Variants in PDE3B observed in about 807,000 individuals in gnomAD.
The protein encoded by PDE3B is cGMP-inhibited 3',5'-cyclic phosphodiesterase 3B.
A neutral mutation model predicts 116.8 loss-of-function variants in PDE3B; 66 were observed. The observed-to-expected ratio is 0.56, with a 90% CI of 0.46 to 0.69. PDE3B has a LOEUF of 0.69. PDE3B is among the 30% of genes least tolerant of loss of function. The pLI is 0.00. For synonymous variants in PDE3B, 595 were observed against 533.6 expected (o/e 1.12, Z -1.59); for missense variants, 1,384 against 1,368.1 (o/e 1.01, Z -0.18).
chr11:14,847,034 T>G (rs1288229301), intron 12 of PDE3B, among the ~76,000 whole-genome samples: 1 of 152,124 alleles, frequency 6.6e-6, no homozygotes, highest in South Asian at 2.1e-4. Context: ...CAACAGAATA[T>G]ACATTTTTTT....
chr11:14,882,782 C>T, the PDE3B span, among the ~76,000 whole-genome samples: 1 of 152,116 alleles, frequency 6.6e-6, no homozygotes, highest in Non-Finnish European at 1.5e-5. Context: ...AACGAGAAAA[C>T]CCCACTGTCT....
intron 1 of PDE3B, among the ~76,000 whole-genome samples, chr11:14,706,275 A>G (rs1481055010): frequency 1.3e-5 from 2 of 151,924 alleles, no homozygotes; most frequent in Admixed American, 6.6e-5. Flanking sequence ...ATCAAGTTGA[A>G]TGAAGAAGGA....
chr11:14,898,194 C>T, the PDE3B span, among the ~76,000 whole-genome samples: 5 of 150,448 alleles, frequency 3.3e-5, no homozygotes, highest in Admixed American at 3.3e-4. Context: ...ATTCATCGGA[C>T]AACCACACTG....
intron 7 of PDE3B, among the ~76,000 whole-genome samples, chr11:14,829,845 A>G (rs1776294757): frequency 1.3e-5 from 2 of 152,126 alleles, no homozygotes; most frequent in Non-Finnish European, 2.9e-5. Context: ...ACCTAAGATA[A>G]AAGTTGTTTT....
intron 1 of PDE3B, among the ~76,000 whole-genome samples, chr11:14,766,888 G>C (rs1857512942): frequency 6.6e-6 from 1 of 151,650 alleles, no homozygotes; most frequent in African/African-American, 2.4e-5. Context: ...ACAAAAACTT[G>C]TCTGCTATTC....
intron 12 of PDE3B, among the ~76,000 whole-genome samples, chr11:14,850,634 C>T (rs538902405): frequency 6.6e-6 from 1 of 152,182 alleles, no homozygotes; most frequent in Non-Finnish European, 1.5e-5. Flanking sequence ...GAGCTAAAAT[C>T]TCTTACTTCT....
chr11:14,847,164 C>G (rs1480173866), intron 12 of PDE3B, among the ~76,000 whole-genome samples: 2 of 152,162 alleles, frequency 1.3e-5, no homozygotes, highest in Non-Finnish European at 2.9e-5. Flanking sequence ...TGCAATCAAA[C>G]TGGAACTCAG....
intron 1 of PDE3B, among the ~76,000 whole-genome samples, chr11:14,685,991 A>G (rs1438543120): frequency 2.0e-5 from 3 of 152,152 alleles, no homozygotes; most frequent in Non-Finnish European, 2.9e-5. Context: ...AAATAAGTCC[A>G]TATCCTAGAG....
At chr11:14,787,620 C>T (rs1188312880) in intron 3 of PDE3B, among the ~76,000 whole-genome samples, 1 of 151,972 alleles carries the variant, frequency 6.6e-6, no homozygotes, top group African/African-American at 2.4e-5. Context: ...GTATTGATCA[C>T]AATCTGGATC....
intron 1 of PDE3B, among the ~76,000 whole-genome samples, chr11:14,703,154 C>T (rs968015026): frequency 6.6e-6 from 1 of 151,870 alleles, no homozygotes; most frequent in South Asian, 2.1e-4. Context: ...TTGGGGAAAT[C>T]TTACCCCAGT....
chr11:14,779,988 GA>G (rs1227689000), intron 2 of PDE3B, among the ~76,000 whole-genome samples: 3,420 of 108,092 alleles, frequency 0.032, 99 homozygotes, highest in African/African-American at 0.094. Flanking sequence ...CAAGCAAATG[GA>G]AAAAAAAAAA....
At chr11:14,660,371 G>A (rs916891027) in intron 1 of PDE3B, among the ~76,000 whole-genome samples, 4 of 149,830 alleles carry the variant, frequency 2.7e-5, no homozygotes, top group African/African-American at 9.9e-5. Context: ...GCATGATCTC[G>A]GCTCACTGCA....
rs180788052 is a variant in PDE3B at position 14,684,863 on chromosome 11, A to G, written c.978+39810A>G. On this transcript the variant is annotated intron_variant, in intron 1 of 15. Coordinates refer to ENST00000282096, the MANE Select transcript of PDE3B (RefSeq NM_000922.4). ...CTCTATTCTGCCTGAACTTGCAGGC[A>G]GTCAGACCTTATGGTTGTCTTCCCA... 3.3e-4 allele frequency among the ~76,000 whole-genome samples: 50 copies of G among 152,272 alleles called. No individual in the cohort carries two copies. In the East Asian group the frequency reaches 5.2e-3, roughly 16 times the overall value.
intron 2 of PDE3B, among the ~76,000 whole-genome samples, chr11:14,784,945 G>A (rs898742650): frequency 2.6e-5 from 4 of 152,044 alleles, no homozygotes; most frequent in Non-Finnish European, 5.9e-5. Context: ...AATTGTTTTT[G>A]TGTGTGTTCC....
chr11:14,726,893 G>A (rs919469906), intron 1 of PDE3B, among the ~76,000 whole-genome samples: 1 of 152,128 alleles, frequency 6.6e-6, no homozygotes, highest in Non-Finnish European at 1.5e-5. Flanking sequence ...ACAGAGAATT[G>A]AATGATCATT....
intron 2 of PDE3B, chr11:14,774,872 C>G (rs979343618): frequency 6.6e-6 from 1 of 152,206 alleles, no homozygotes; most frequent in Non-Finnish European, 1.5e-5. Flanking sequence ...TCTTTGTCTT[C>G]TACTACTTTC....
intron 5 of PDE3B, among the ~76,000 whole-genome samples, chr11:14,804,841 A>G (rs1038759686): frequency 1.3e-5 from 2 of 152,168 alleles, no homozygotes; most frequent in Non-Finnish European, 2.9e-5. Context: ...ATAGAAAAGA[A>G]ATGGACAGTC....
downstream of PDE3B, among the ~76,000 whole-genome samples, chr11:14,875,034 G>A (rs191837450): frequency 2.2e-4 from 33 of 152,154 alleles, no homozygotes; most frequent in African/African-American, 7.7e-4. Context: ...CCTTGGCATA[G>A]GAACCCAATT....
intron 1 of PDE3B, among the ~76,000 whole-genome samples, chr11:14,665,305 A>C (rs1370093775): frequency 6.6e-6 from 1 of 152,230 alleles, no homozygotes; most frequent in Non-Finnish European, 1.5e-5. Context: ...ACCCACAGCC[A>C]ATATCATACT....
Sources: allele counts gnomAD v4.1 joint callset (sites outside exome capture counted in the v4.1 genomes callset), GRCh38; gene constraint gnomAD v4.1.1; transcripts MANE v1.5; gene names NCBI Gene and HGNC (gene_info 2026-07-23, HGNC 2026-07-21).